SLC39A14: variants seen among roughly 807,000 people sequenced by gnomAD.
SLC39A14 encodes the protein solute carrier family 39 member 14.
SLC39A14 carries 19 observed loss-of-function variants against 45.5 expected under a neutral mutation model. The ratio of observed to expected loss-of-function variants is 0.42; its 90% CI spans 0.29 to 0.61. The LOEUF (loss-of-function observed/expected upper bound fraction) is 0.61, where lower values mean the gene tolerates loss of function less well. Ranked by LOEUF, SLC39A14 falls within the 20% of genes least tolerant of loss-of-function variation. SLC39A14 has a pLI of 0.22. For missense variants in SLC39A14, 447 were observed against 616.5 expected (o/e 0.73, Z 2.91); for synonymous variants, 264 against 251.3 (o/e 1.05, Z -0.48).
At chr8:22,378,285 A>T (rs1833319249) in intron 1 of SLC39A14, among the ~76,000 whole-genome samples, 1 of 152,166 alleles carries the variant, frequency 6.6e-6, no homozygotes. Context: ...GTGGCTTGAA[A>T]CAACACCCGT....
intron 3 of SLC39A14, among the ~76,000 whole-genome samples, chr8:22,409,666 G>A (rs1271799225): frequency 7.2e-5 from 11 of 152,192 alleles, no homozygotes; most frequent in Non-Finnish European, 1.0e-4. Flanking sequence ...ATAGGCTTGC[G>A]CCACCGCACC....
chr8:22,406,343 G>A (rs556504011), intron 2 of SLC39A14, among the ~76,000 whole-genome samples: 3 of 151,968 alleles, frequency 2.0e-5, no homozygotes, highest in East Asian at 1.9e-4. Flanking sequence ...CAGCTACTCC[G>A]GAGGCTGAGG....
intron 1 of SLC39A14, among the ~76,000 whole-genome samples, chr8:22,379,927 CAAAAAAA>C (rs35093772): frequency 6.1e-4 from 54 of 87,960 alleles, no homozygotes; most frequent in Non-Finnish European, 1.0e-3. Flanking sequence ...GACTCCATCT[CAAAAAAA>C]AAAAAAAAAA....
At position 22,420,091 on chromosome 8, in the gene SLC39A14, C is replaced by T; in HGVS notation, c.*393C>T. On this transcript the variant is annotated 3_prime_UTR_variant, in exon 9 of 9. Coordinates refer to ENST00000381237, the MANE Select transcript of SLC39A14 (RefSeq NM_001128431.4). ...ATGGTTATAACTTGGCTAGAAATATCAAGAGTTGAATCCATAGTGTGGGGC... is the reference window on the plus strand; with the variant it reads ...ATGGTTATAACTTGGCTAGAAATATTAAGAGTTGAATCCATAGTGTGGGGC... The T allele has an allele frequency of 2.0e-6, 2 of 993,056 alleles. No individual in the cohort carries two copies. The highest frequency in any genetic ancestry group is 2.4e-6 in the Non-Finnish European group (2 of 834,926). The allele number at this position is 993,056 out of a possible 1,614,324, so 61.5% of individuals were successfully genotyped here.
At chr8:22,418,272 G>A (rs1366610960) in intron 8 of SLC39A14, among the ~76,000 whole-genome samples, 1 of 152,238 alleles carries the variant, frequency 6.6e-6, no homozygotes, top group Non-Finnish European at 1.5e-5. Flanking sequence ...TGTTTAAGGT[G>A]TACCTACCAT....
intron 1 of SLC39A14, among the ~76,000 whole-genome samples, chr8:22,386,545 G>A (rs1305241402): frequency 1.3e-5 from 2 of 152,224 alleles, no homozygotes; most frequent in East Asian, 1.9e-4. Flanking sequence ...AGGATTACAG[G>A]CGTAAGCCAC....
rs1026153026 is a variant in SLC39A14, at chr8:22,422,428, A to G, written c.*2730A>G. 1.0e-6 allele frequency: 1 copy of G among 985,736 alleles called. No homozygotes were observed. The highest frequency in any genetic ancestry group is 1.2e-6 in the Non-Finnish European group (1 of 829,944). 61.1% of individuals were successfully genotyped at this position (985,736 alleles called of 1,614,324 possible). On this transcript the variant is annotated 3_prime_UTR_variant, in exon 9 of 9. Transcript: ENST00000381237. ...CTCTGTTTGGGTAGCGTAAGAGCTG[A>G]GTATAGTAAGTCCTCTTCCAAAGAG...
chr8:22,396,575 A>G (rs954241186), intron 1 of SLC39A14, among the ~76,000 whole-genome samples: 892 of 80,622 alleles, frequency 0.011, 9 homozygotes, highest in Non-Finnish European at 0.018. Flanking sequence ...AGAGAGAGAG[A>G]GAGAGAGAGA....
At chr8:22,374,829 C>T (rs1833125954) in intron 1 of SLC39A14, among the ~76,000 whole-genome samples, 1 of 149,342 alleles carries the variant, frequency 6.7e-6, no homozygotes, top group African/African-American at 2.5e-5. Context: ...TCACTGAAAC[C>T]TCCCCTCCTG....
intron 1 of SLC39A14, among the ~76,000 whole-genome samples, chr8:22,402,858 G>A (rs1834960052): frequency 6.6e-6 from 1 of 152,058 alleles, no homozygotes; most frequent in Non-Finnish European, 1.5e-5. Context: ...ACTATAGAGA[G>A]GCTGTTTTTT....
At chr8:22,376,157 C>T (rs1833202497) in intron 1 of SLC39A14, among the ~76,000 whole-genome samples, 1 of 151,990 alleles carries the variant, frequency 6.6e-6, no homozygotes. Context: ...AGGTATTCAT[C>T]ATGTCACAGT....
chr8:22,409,973 C>T, intron 3 of SLC39A14: 1 of 1,614,078 alleles, frequency 6.2e-7, no homozygotes, highest in East Asian at 2.2e-5. Flanking sequence ...CTCAGTGTCT[C>T]ACTGATTAAC....
chr8:22,398,041 T>A (rs1834610136), intron 1 of SLC39A14, among the ~76,000 whole-genome samples: 1 of 152,092 alleles, frequency 6.6e-6, no homozygotes, highest in Non-Finnish European at 1.5e-5. Context: ...TTTACGTCCT[T>A]TGAGAAGACA....
intron 1 of SLC39A14, among the ~76,000 whole-genome samples, chr8:22,402,891 A>G (rs1834962820): frequency 6.6e-6 from 1 of 152,216 alleles, no homozygotes; most frequent in Non-Finnish European, 1.5e-5. Flanking sequence ...TAATTTGTAC[A>G]GTATAGAAAT....
rs1833027610 is a variant in SLC39A14, at chr8:22,373,182, G to C, written c.-16+5774G>C. On this transcript the variant is annotated intron_variant, in intron 1 of 8. Transcript: ENST00000381237. ...GGAGGCTGAGGCAGGAGAATCGCTTGAACCTGGGAAGCAGAGGTTGCAGTG... is the reference window on the plus strand; with the variant it reads ...GGAGGCTGAGGCAGGAGAATCGCTTCAACCTGGGAAGCAGAGGTTGCAGTG... Among the ~76,000 whole-genome samples, 3 of 150,978 alleles carry C rather than the reference G, an allele frequency of 2.0e-5. No homozygotes were observed. The South Asian group carries it at 6.2e-4, about 31-fold the overall frequency.
At chr8:22,422,801 TTGAC>T (rs1451564486), downstream of SLC39A14, 9 of 700,204 alleles carry the variant, frequency 1.3e-5, no homozygotes, top group East Asian at 8.2e-4. Context: ...GGTTTAACAT[TTGAC>T]TGGGATTTTA....
At chr8:22,409,279 C>A (rs117399009) in intron 3 of SLC39A14, among the ~76,000 whole-genome samples, 1 of 152,194 alleles carries the variant, frequency 6.6e-6, no homozygotes, top group Non-Finnish European at 1.5e-5. Flanking sequence ...CCCATAGGGC[C>A]GGCGTGTGCT....
intron 1 of SLC39A14, among the ~76,000 whole-genome samples, chr8:22,378,080 C>G (rs1833308808): frequency 6.6e-6 from 1 of 152,176 alleles, no homozygotes. Context: ...AAACCACTAC[C>G]ACTCATTTCC....
chr8:22,379,247 G>T (rs144875627), intron 1 of SLC39A14, among the ~76,000 whole-genome samples: 1 of 152,214 alleles, frequency 6.6e-6, no homozygotes, highest in Non-Finnish European at 1.5e-5. Flanking sequence ...CTTGACATCC[G>T]TAACTGATTT....
Sources: allele counts gnomAD v4.1 joint callset (sites outside exome capture counted in the v4.1 genomes callset), GRCh38; gene constraint gnomAD v4.1.1; transcripts MANE v1.5; gene names NCBI Gene and HGNC (gene_info 2026-07-23, HGNC 2026-07-21).